The following SOX5 variants were observed in gnomAD, a reference collection of about 807,000 sequenced individuals.
The protein encoded by SOX5 is transcription factor SOX-5.
A neutral mutation model predicts 92.0 loss-of-function variants in SOX5; 9 were observed. The ratio of observed to expected loss-of-function variants is 0.10; its 90% confidence interval spans 0.06 to 0.17. The LOEUF (loss-of-function observed/expected upper bound fraction) is 0.17. Ranked by LOEUF, SOX5 falls within the 10% of genes least tolerant of loss-of-function variation. SOX5 has a pLI of 1.00. For synonymous variants in SOX5, 344 were observed against 336.3 expected, an observed-to-expected ratio of 1.02 and a Z score of -0.25; for missense variants, 642 against 944.5, an observed-to-expected ratio of 0.68 and a Z score of 4.20.
At chr12:24,473,970 T>C (rs1477133301) in intron 1 of SOX5, among the ~76,000 whole-genome samples, 2 of 152,218 alleles carry the variant, frequency 1.3e-5, no homozygotes, top group Admixed American at 6.5e-5. Context: ...ATAAAGATTC[T>C]GATTAATCAA....
intron 1 of SOX5, among the ~76,000 whole-genome samples, chr12:24,532,702 T>G (rs1241093995): frequency 2.0e-5 from 3 of 152,236 alleles, no homozygotes; most frequent in African/African-American, 7.2e-5. Context: ...AAAAGTGTCA[T>G]TAGCAATAAA....
intron 2 of SOX5, among the ~76,000 whole-genome samples, chr12:24,340,047 G>T (rs1056453735): frequency 6.6e-6 from 1 of 152,208 alleles, no homozygotes; most frequent in African/African-American, 2.4e-5. Flanking sequence ...CCCTGCAGAA[G>T]AGTCTTGCAG....
chr12:23,721,354 G>C (rs1325244897), intron 6 of SOX5, among the ~76,000 whole-genome samples: 1 of 152,030 alleles, frequency 6.6e-6, no homozygotes, highest in African/African-American at 2.4e-5. Context: ...CAAAGCGCTG[G>C]GATTACAGGC....
At chr12:24,300,789 G>C (rs1473960513) in intron 2 of SOX5, among the ~76,000 whole-genome samples, 2 of 152,210 alleles carry the variant, frequency 1.3e-5, no homozygotes, top group African/African-American at 4.8e-5. Context: ...AGAACCCAGT[G>C]TTAGGATTTT....
intron 3 of SOX5, among the ~76,000 whole-genome samples, chr12:24,219,223 AAGATC>A (rs1287840170): frequency 2.0e-5 from 3 of 152,110 alleles, no homozygotes; most frequent in African/African-American, 7.2e-5. Flanking sequence ...TAGAAAGAAT[AAGATC>A]TAGTGTTTGG....
At chr12:24,054,602 C>T (rs1286999709) in intron 4 of SOX5, among the ~76,000 whole-genome samples, 1 of 152,204 alleles carries the variant, frequency 6.6e-6, no homozygotes, top group African/African-American at 2.4e-5. Context: ...GCCAATTGCT[C>T]TGTCTGTGCC....
intron 1 of SOX5, among the ~76,000 whole-genome samples, chr12:24,547,652 A>C (rs1378519491): frequency 6.6e-6 from 1 of 152,224 alleles, no homozygotes; most frequent in African/African-American, 2.4e-5. Context: ...ACATTATTTT[A>C]ATGGTATCTA....
At chr12:24,020,946 CCAA>C (rs1739002816) in intron 4 of SOX5, among the ~76,000 whole-genome samples, 2 of 152,130 alleles carry the variant, frequency 1.3e-5, no homozygotes, top group African/African-American at 2.4e-5. Flanking sequence ...AGAAAACATC[CCAA>C]CAACTGCTGG....
chr12:24,099,676 A>C (rs1945847999), intron 4 of SOX5, among the ~76,000 whole-genome samples: 1 of 152,156 alleles, frequency 6.6e-6, no homozygotes, highest in South Asian at 2.1e-4. Context: ...ATAACATATC[A>C]TGTACTAGAG....
intron 4 of SOX5, among the ~76,000 whole-genome samples, chr12:24,011,406 T>C (rs1314822766): frequency 1.3e-5 from 2 of 152,238 alleles, no homozygotes; most frequent in Admixed American, 1.3e-4. Flanking sequence ...TTTACCAAAA[T>C]TGTAGATGAG....
rs148428980 is a variant in SOX5 at position 24,482,488 on chromosome 12, C to T, written c.-251+79841G>A. ...ATCACTATTACCCATTATCAATATACACCAGTGTAAAGATGTAGTTGTTGA... is the reference window on the plus strand; with the variant it reads ...ATCACTATTACCCATTATCAATATATACCAGTGTAAAGATGTAGTTGTTGA... On this transcript the variant is annotated intron_variant, in intron 1 of 4. Transcript: ENST00000446891. Among the ~76,000 whole-genome samples the T allele has an allele frequency of 8.5e-4, 129 of 152,282 alleles. 1 individual carries two copies. Among genetic ancestry groups the T allele is most frequent in the African/African-American group, 3.0e-3 (125 of 41,560 alleles).
At chr12:23,994,583 C>T (rs1950864225) in intron 4 of SOX5, among the ~76,000 whole-genome samples, 1 of 152,168 alleles carries the variant, frequency 6.6e-6, no homozygotes, top group African/African-American at 2.4e-5. Context: ...CGTAATTTTG[C>T]CCTAACTTCT....
intron 1 of SOX5, among the ~76,000 whole-genome samples, chr12:24,400,524 C>T (rs913591169): frequency 1.3e-5 from 2 of 152,182 alleles, no homozygotes; most frequent in African/African-American, 4.8e-5. Context: ...ATAGCCAGTA[C>T]CAAGTCACAG....
At chr12:23,602,474 CA>C (rs1462282789) in intron 9 of SOX5, among the ~76,000 whole-genome samples, 1 of 151,976 alleles carries the variant, frequency 6.6e-6, no homozygotes, top group African/African-American at 2.4e-5. Flanking sequence ...TGACTGACAT[CA>C]AAAGCTTCAT....
intron 9 of SOX5, among the ~76,000 whole-genome samples, chr12:23,583,475 T>C (rs760979034): frequency 6.6e-6 from 1 of 152,124 alleles, no homozygotes; most frequent in Non-Finnish European, 1.5e-5. Context: ...AGAACAGTTA[T>C]AACATGAGCC....
At chr12:24,293,392 AG>A (rs1946834512) in intron 2 of SOX5, among the ~76,000 whole-genome samples, 1 of 152,214 alleles carries the variant, frequency 6.6e-6, no homozygotes, top group Admixed American at 6.5e-5. Flanking sequence ...CTTTAATGTG[AG>A]GTAGTTATAC....
chr12:24,376,948 C>T (rs1472608537), intron 1 of SOX5, among the ~76,000 whole-genome samples: 3 of 150,266 alleles, frequency 2.0e-5, no homozygotes, highest in Non-Finnish European at 3.0e-5. Context: ...TGGCCTCAAG[C>T]GATCCTCCCA....
At chr12:24,376,689 C>CTTTTTTTTTTTTTTTTTTTTTTT (rs1480014070) in intron 1 of SOX5, among the ~76,000 whole-genome samples, 1 of 93,082 alleles carries the variant, frequency 1.1e-5, no homozygotes, top group African/African-American at 4.1e-5. Flanking sequence ...GGGAGAGATA[C>CTTTTTTTTTTTTTTTTTTTTTTT]CTTTTTTTTT....
At chr12:24,281,995 T>A (rs929615056) in intron 2 of SOX5, among the ~76,000 whole-genome samples, 1 of 152,132 alleles carries the variant, frequency 6.6e-6, no homozygotes, top group Non-Finnish European at 1.5e-5. Flanking sequence ...AAATTTCTGA[T>A]GGTCAATTTC....
Sources: allele counts gnomAD v4.1 joint callset (sites outside exome capture counted in the v4.1 genomes callset), GRCh38; gene constraint gnomAD v4.1.1; transcripts MANE v1.5; gene names NCBI Gene and HGNC (gene_info 2026-07-23, HGNC 2026-07-21).